The following ROBO2 variants were observed in gnomAD, a reference collection of about 807,000 sequenced individuals.
ROBO2 encodes roundabout homolog 2.
In ROBO2, 53 loss-of-function variants were observed where a neutral mutation model predicts 160.8. The ratio of observed to expected loss-of-function variants is 0.33; its 90% confidence interval spans 0.26 to 0.41. The LOEUF (loss-of-function observed/expected upper bound fraction) is 0.41, where lower values mean the gene tolerates loss of function less well. Ranked by LOEUF, ROBO2 falls within the 10% of genes least tolerant of loss-of-function variation. The pLI is 1.00. For missense variants in ROBO2, 1,577 were observed against 1,722.4 expected, an observed-to-expected ratio of 0.92 and a Z score of 1.49; for synonymous variants, 664 against 611.7, an observed-to-expected ratio of 1.09 and a Z score of -1.26.
chr3:76,969,760 C>T (rs773897184), intron 2 of ROBO2, among the ~76,000 whole-genome samples: 1 of 151,850 alleles, frequency 6.6e-6, no homozygotes, highest in Admixed American at 6.6e-5. Context: ...ACAAAGAGGA[C>T]GATTTTTCTT....
chr3:76,377,062 C>T (rs1421214401), intron 2 of ROBO2, among the ~76,000 whole-genome samples: 1 of 152,104 alleles, frequency 6.6e-6, no homozygotes, highest in Non-Finnish European at 1.5e-5. Context: ...ACAAAGTAGG[C>T]CCGGGTTGGG....
intron 22 of ROBO2, among the ~76,000 whole-genome samples, chr3:77,621,544 C>T (rs375600886): frequency 6.6e-6 from 1 of 152,168 alleles, no homozygotes; most frequent in South Asian, 2.1e-4. Flanking sequence ...ATTTAACACA[C>T]TAGTGTTCCA....
chr3:76,514,552 A>G (rs1426167883), intron 2 of ROBO2, among the ~76,000 whole-genome samples: 2 of 152,234 alleles, frequency 1.3e-5, no homozygotes, highest in African/African-American at 2.4e-5. Flanking sequence ...TCAGATAAAA[A>G]TATTGTTGAA....
At chr3:77,467,585 C>CTCTA (rs1481366258) in intron 2 of ROBO2, among the ~76,000 whole-genome samples, 6 of 122,670 alleles carry the variant, frequency 4.9e-5, no homozygotes, top group East Asian at 2.4e-4. Context: ...ATCTATCTGT[C>CTCTA]TGTATCTATC....
chr3:76,615,564 C>T (rs1180830200), intron 2 of ROBO2, among the ~76,000 whole-genome samples: 1 of 151,984 alleles, frequency 6.6e-6, no homozygotes, highest in Non-Finnish European at 1.5e-5. Context: ...GATAATTGCC[C>T]CAAGTGAAAT....
chr3:75,950,453 A>G (rs1948491402), intron 2 of ROBO2, among the ~76,000 whole-genome samples: 1 of 152,110 alleles, frequency 6.6e-6, no homozygotes. Context: ...AATTTATTAT[A>G]ATGCAGTTCT....
intron 2 of ROBO2, among the ~76,000 whole-genome samples, chr3:76,169,939 C>A (rs976467136): frequency 2.6e-5 from 4 of 152,034 alleles, no homozygotes; most frequent in African/African-American, 9.7e-5. Context: ...CGCCACCATG[C>A]GTGGCTAATT....
At chr3:76,842,405 A>G (rs376833187) in intron 2 of ROBO2, among the ~76,000 whole-genome samples, 1 of 152,320 alleles carries the variant, frequency 6.6e-6, no homozygotes, top group East Asian at 1.9e-4. Flanking sequence ...ACAGATGACA[A>G]AGACACTGGG....
At chr3:77,216,573 A>G (rs1309433141) in intron 2 of ROBO2, among the ~76,000 whole-genome samples, 1 of 151,978 alleles carries the variant, frequency 6.6e-6, no homozygotes, top group Non-Finnish European at 1.5e-5. Context: ...AGTGCACTGC[A>G]CTCACTGTCC....
At chr3:76,408,705 T>G (rs1290243068) in intron 2 of ROBO2, among the ~76,000 whole-genome samples, 1 of 152,090 alleles carries the variant, frequency 6.6e-6, no homozygotes, top group East Asian at 1.9e-4. Context: ...CAGAGAGGGA[T>G]AGTTAAGATA....
intron 2 of ROBO2, among the ~76,000 whole-genome samples, chr3:77,342,977 G>A (rs2067226064): frequency 6.6e-6 from 1 of 151,998 alleles, no homozygotes; most frequent in Non-Finnish European, 1.5e-5. Flanking sequence ...GCACGGTCAG[G>A]TTCTGGTAGG....
At chr3:76,798,996 C>G (rs954319565) in intron 2 of ROBO2, among the ~76,000 whole-genome samples, 1 of 151,940 alleles carries the variant, frequency 6.6e-6, no homozygotes, top group African/African-American at 2.4e-5. Context: ...GGGTGCATCA[C>G]AAGGTCAGGA....
intron 2 of ROBO2, among the ~76,000 whole-genome samples, chr3:76,182,891 G>C (rs918037412): frequency 6.6e-6 from 1 of 152,122 alleles, no homozygotes; most frequent in African/African-American, 2.4e-5. Flanking sequence ...AACATTGTCT[G>C]CTTGTTCCTG....
chr3:76,536,593 T>C (rs2082517304), intron 2 of ROBO2, among the ~76,000 whole-genome samples: 1 of 152,060 alleles, frequency 6.6e-6, no homozygotes, highest in Non-Finnish European at 1.5e-5. Context: ...TAGCTATACC[T>C]TGGGAGCCTG....
chr3:76,487,672 C>G (rs945958773), intron 2 of ROBO2, among the ~76,000 whole-genome samples: 4 of 152,184 alleles, frequency 2.6e-5, no homozygotes, highest in African/African-American at 4.8e-5. Flanking sequence ...AGCCTGCACT[C>G]TAGGTGAAAT....
At chr3:76,546,338 A>AT (rs1350831344) in intron 2 of ROBO2, among the ~76,000 whole-genome samples, 1 of 151,916 alleles carries the variant, frequency 6.6e-6, no homozygotes, top group East Asian at 1.9e-4. Flanking sequence ...TTAACTAATT[A>AT]TTTTTAGCAA....
chr3:76,834,083 TTTC>T (rs1313154473), intron 2 of ROBO2, among the ~76,000 whole-genome samples: 1 of 144,356 alleles, frequency 6.9e-6, no homozygotes, highest in African/African-American at 2.6e-5. Flanking sequence ...TCTTTCTTTC[TTTC>T]TTTCTTTCTT....
intron 2 of ROBO2, among the ~76,000 whole-genome samples, chr3:76,393,204 G>C (rs1228609272): frequency 6.6e-6 from 1 of 152,102 alleles, no homozygotes; most frequent in Non-Finnish European, 1.5e-5. Context: ...TATTGAATAA[G>C]AATCTCTAGA....
chr3:77,245,516 C>T (rs753773915), intron 2 of ROBO2, among the ~76,000 whole-genome samples: 3 of 152,290 alleles, frequency 2.0e-5, no homozygotes, highest in African/African-American at 7.2e-5. Context: ...GGTCTGGTTA[C>T]GTGAGAAACT....
Sources: gnomAD v4.1 joint callset for allele counts (sites outside exome capture counted in the v4.1 genomes callset) on GRCh38, gnomAD v4.1.1 for gene constraint, MANE v1.5 for transcripts, NCBI Gene and HGNC (gene_info 2026-07-23, HGNC 2026-07-21) for gene names.